The following SLX4IP variants were observed in gnomAD, a reference collection of about 807,000 sequenced individuals.
The protein encoded by SLX4IP is protein SLX4IP.
SLX4IP carries 34 observed loss-of-function variants against 32.9 expected under a neutral mutation model. That is an observed-to-expected ratio of 1.03 (90% CI 0.79 to 1.38). The LOEUF is 1.38. Ranked by LOEUF, SLX4IP falls within the 40% of genes most tolerant of loss-of-function variation. The pLI, the probability that SLX4IP is intolerant of heterozygous loss-of-function variation, is 0.00. For synonymous variants in SLX4IP, 172 were observed against 171.7 expected, an observed-to-expected ratio of 1.00 and a Z score of -0.01; for missense variants, 444 against 479.0, an observed-to-expected ratio of 0.93 and a Z score of 0.68.
At chr20:10,618,860 T>C (rs1002098032) in intron 6 of SLX4IP, among the ~76,000 whole-genome samples, 10 of 142,028 alleles carry the variant, frequency 7.0e-5, no homozygotes, top group African/African-American at 2.4e-4. Flanking sequence ...CCTTTAGTAA[T>C]CAGGATGACT....
intron 5 of SLX4IP, 24 bp from the exon 6 acceptor site, chr20:10,601,707 C>T: frequency 6.2e-7 from 1 of 1,605,946 alleles, no homozygotes; most frequent in South Asian, 1.1e-5. Flanking sequence ...CACCTTTAAA[C>T]TTGTTTTTCT....
At chr20:10,510,715 C>T (rs2065799466) in intron 2 of SLX4IP, among the ~76,000 whole-genome samples, 1 of 151,940 alleles carries the variant, frequency 6.6e-6, no homozygotes, top group Non-Finnish European at 1.5e-5. Context: ...AGTGATTGTC[C>T]CGCCTCAGCC....
intron 2 of SLX4IP, among the ~76,000 whole-genome samples, chr20:10,526,089 C>T (rs1213965654): frequency 1.3e-5 from 2 of 152,172 alleles, no homozygotes; most frequent in Non-Finnish European, 2.9e-5. Flanking sequence ...TCACCTTCCC[C>T]CATCATACCC....
chr20:10,607,994 A>T (rs1206168871), intron 6 of SLX4IP, among the ~76,000 whole-genome samples: 2 of 152,184 alleles, frequency 1.3e-5, no homozygotes, highest in African/African-American at 4.8e-5. Context: ...GTAGAATAGG[A>T]TAGGTTAAAT....
At chr20:10,556,355 AGCT>A (rs774992808) in intron 3 of SLX4IP, 35 bp downstream of exon 3, 10 of 1,567,756 alleles carry the variant, frequency 6.4e-6, no homozygotes, top group Middle Eastern at 1.7e-4. Context: ...AATTGCAAGT[AGCT>A]GCTGCTGCTA....
chr20:10,481,572 G>A (rs2065521427), intron 2 of SLX4IP, among the ~76,000 whole-genome samples: 1 of 152,158 alleles, frequency 6.6e-6, no homozygotes. Context: ...AGGGATGTCA[G>A]CATCTTGTTT....
intron 2 of SLX4IP, among the ~76,000 whole-genome samples, chr20:10,536,353 C>G (rs1421652715): frequency 6.6e-6 from 1 of 150,510 alleles, no homozygotes; most frequent in Non-Finnish European, 1.5e-5. Flanking sequence ...CACAGCAAGA[C>G]CTTGTCTCTT....
At chr20:10,469,503 C>T (rs1004820590) in intron 2 of SLX4IP, among the ~76,000 whole-genome samples, 1 of 152,222 alleles carries the variant, frequency 6.6e-6, no homozygotes, top group Admixed American at 6.5e-5. Flanking sequence ...ATTGTCTAGA[C>T]ATTATATTTT....
intron 3 of SLX4IP, among the ~76,000 whole-genome samples, chr20:10,557,827 G>A (rs2066283621): frequency 6.6e-6 from 1 of 152,198 alleles, no homozygotes; most frequent in Non-Finnish European, 1.5e-5. Flanking sequence ...CGTGAGGCTA[G>A]GTTTTTGTTT....
At chr20:10,493,859 CT>C (rs58299545) in intron 2 of SLX4IP, among the ~76,000 whole-genome samples, 41 of 70,544 alleles carry the variant, frequency 5.8e-4, no homozygotes, top group East Asian at 1.7e-3. Flanking sequence ...TTATAGTTGC[CT>C]TTTTTTTTTT....
chr20:10,472,193 T>C (rs2122363687), intron 2 of SLX4IP, among the ~76,000 whole-genome samples: 1 of 152,152 alleles, frequency 6.6e-6, no homozygotes, highest in Non-Finnish European at 1.5e-5. Context: ...ATTAGGGAGT[T>C]TCTAAGGGCC....
chr20:10,602,285 C>CCTCT (rs141021766), intron 6 of SLX4IP, among the ~76,000 whole-genome samples: 50 of 147,506 alleles, frequency 3.4e-4, no homozygotes, highest in African/African-American at 5.0e-4. Flanking sequence ...TCATTTTCTC[C>CCTCT]CTCTCTCTCT....
chr20:10,596,746 A>G (rs573852434), intron 4 of SLX4IP, among the ~76,000 whole-genome samples: 3 of 152,310 alleles, frequency 2.0e-5, no homozygotes, highest in South Asian at 2.1e-4. Flanking sequence ...TGAGTCACCA[A>G]TTGTTAAGGA....
rs1159566604 is a variant in SLX4IP, at chr20:10,626,577, A to G, written c.*3198A>G. ...CCACTTCCATGTGCTTTCAGATGGC[A>G]TCTTAATAGATTGGTGTTGAGGTTA... is the stretch of plus-strand genomic sequence containing the variant. On this transcript the variant is annotated 3_prime_UTR_variant, in exon 8 of 8. Coordinates refer to ENST00000334534, the MANE Select transcript of SLX4IP (RefSeq NM_001009608.3). 2.6e-5 allele frequency: 4 copies of G among 152,208 alleles called. No homozygotes were observed. Among genetic ancestry groups the G allele is most frequent in the Non-Finnish European group, 5.9e-5 (4 of 68,034 alleles). The allele number at this position is 152,208 out of a possible 1,614,324, so 9.4% of individuals were successfully genotyped here.
At position 10,462,058 on chromosome 20, in the gene SLX4IP, A is replaced by G. The variant is rs574194190; in HGVS notation, c.27+3827A>G. ...TTACGAACTAGGGAAATTCCCAAGA[A>G]CAAGAAAGAGCTCTTATAAATTAAA... On this transcript the variant is annotated intron_variant, in intron 2 of 7. Coordinates refer to ENST00000334534, the MANE Select transcript of SLX4IP (RefSeq NM_001009608.3). 9.8e-5 allele frequency among the ~76,000 whole-genome samples: 15 copies of G among 152,328 alleles called. 1 individual carries two copies. The South Asian group carries it at 2.5e-3, about 25-fold the overall frequency.
chr20:10,548,509 G>A (rs1221332311), intron 2 of SLX4IP, among the ~76,000 whole-genome samples: 1 of 152,162 alleles, frequency 6.6e-6, no homozygotes, highest in African/African-American at 2.4e-5. Context: ...AGAGTGCTGG[G>A]ATTACAGGTG....
At chr20:10,486,387 T>A (rs551448025) in intron 2 of SLX4IP, among the ~76,000 whole-genome samples, 2 of 152,272 alleles carry the variant, frequency 1.3e-5, no homozygotes, top group South Asian at 4.1e-4. Flanking sequence ...GAAATGCTGC[T>A]GGAGTTGACA....
chr20:10,588,604 T>C (rs2066671900), intron 4 of SLX4IP, among the ~76,000 whole-genome samples: 1 of 152,236 alleles, frequency 6.6e-6, no homozygotes, highest in Non-Finnish European at 1.5e-5. Flanking sequence ...CTACTATTTG[T>C]GTCAGCACTG....
At chr20:10,506,158 A>G (rs1305807568) in intron 2 of SLX4IP, among the ~76,000 whole-genome samples, 1 of 152,260 alleles carries the variant, frequency 6.6e-6, no homozygotes, top group African/African-American at 2.4e-5. Context: ...TCATGGTAAC[A>G]TATAAAATGC....
Sources: gnomAD v4.1 joint callset for allele counts (sites outside exome capture counted in the v4.1 genomes callset) on GRCh38, gnomAD v4.1.1 for gene constraint, MANE v1.5 for transcripts, NCBI Gene and HGNC (gene_info 2026-07-23, HGNC 2026-07-21) for gene names.